The following IPCEF1 variants were observed in gnomAD, a reference collection of about 807,000 sequenced individuals.
The protein encoded by IPCEF1 is interaction protein for cytohesin exchange factors 1, also known as interactor protein for cytohesin exchange factors 1.
IPCEF1 carries 31 observed loss-of-function variants against 50.9 expected under a neutral mutation model. That is an observed-to-expected ratio of 0.61 (90% confidence interval 0.46 to 0.82). IPCEF1 has a LOEUF of 0.82. IPCEF1 is among the 40% of genes least tolerant of loss of function. IPCEF1 has a pLI of 0.00. For missense variants in IPCEF1, 458 were observed against 514.0 expected, an observed-to-expected ratio of 0.89 and a Z score of 1.05; for synonymous variants, 181 against 192.0, an observed-to-expected ratio of 0.94 and a Z score of 0.47.
At chr6:154,287,099 T>A (rs978448192) in intron 2 of IPCEF1, among the ~76,000 whole-genome samples, 4 of 151,790 alleles carry the variant, frequency 2.6e-5, no homozygotes, top group Admixed American at 1.3e-4. Flanking sequence ...TTCTTTTTTT[T>A]AAAATTAAAA....
chr6:154,279,426 A>G (rs954426241), intron 2 of IPCEF1, among the ~76,000 whole-genome samples: 2 of 152,222 alleles, frequency 1.3e-5, no homozygotes, highest in Non-Finnish European at 2.9e-5. Context: ...TTCCTTTGCC[A>G]TTCGTTATCT....
chr6:154,202,982 C>A (rs12529971), intron 9 of IPCEF1, among the ~76,000 whole-genome samples: 3 of 152,212 alleles, frequency 2.0e-5, no homozygotes, highest in Non-Finnish European at 4.4e-5. Flanking sequence ...AATACAAATA[C>A]AAATGAAAGT....
intron 1 of IPCEF1, among the ~76,000 whole-genome samples, chr6:154,322,045 A>C (rs571144663): frequency 6.6e-6 from 1 of 152,282 alleles, no homozygotes; most frequent in East Asian, 1.9e-4. Context: ...TTAACATTTG[A>C]AATTCAATCA....
At chr6:154,346,282 T>C (rs1386096724) in intron 1 of IPCEF1, among the ~76,000 whole-genome samples, 1 of 152,188 alleles carries the variant, frequency 6.6e-6, no homozygotes, top group Non-Finnish European at 1.5e-5. Flanking sequence ...TCCTTGCTTA[T>C]CTGTATCATT....
chr6:154,323,935 A>G (rs1366321705), intron 1 of IPCEF1, among the ~76,000 whole-genome samples: 1 of 152,224 alleles, frequency 6.6e-6, no homozygotes, highest in Non-Finnish European at 1.5e-5. Context: ...CCTGGATGAC[A>G]AAAGCAAAAC....
chr6:154,304,988 C>A (rs1349971115), intron 1 of IPCEF1, among the ~76,000 whole-genome samples: 1 of 152,100 alleles, frequency 6.6e-6, no homozygotes, highest in African/African-American at 2.4e-5. Flanking sequence ...GTGGCGCATG[C>A]CTGTAATCCC....
intron 5 of IPCEF1, among the ~76,000 whole-genome samples, chr6:154,231,270 G>T (rs1046458318): frequency 6.6e-6 from 1 of 152,192 alleles, no homozygotes; most frequent in Non-Finnish European, 1.5e-5. Context: ...AAAAGTTCTA[G>T]TTCTATGGAG....
chr6:154,211,177 G>A (rs547062540), intron 9 of IPCEF1, among the ~76,000 whole-genome samples: 2 of 152,220 alleles, frequency 1.3e-5, no homozygotes, highest in South Asian at 4.2e-4. Flanking sequence ...AGCACTTTGG[G>A]AGGCCGAGGC....
chr6:154,344,646 C>T (rs531174127), intron 1 of IPCEF1, among the ~76,000 whole-genome samples: 1 of 152,276 alleles, frequency 6.6e-6, no homozygotes, highest in Non-Finnish European at 1.5e-5. Flanking sequence ...ATACCAACTA[C>T]CATCACAGAT....
rs905644272 is a variant in IPCEF1, at chr6:154,168,615, T to C, written c.911-502A>G. On this transcript the variant is annotated intron_variant, in intron 10 of 11. Transcript: ENST00000367220. This position sits in a 1 kb window ranked among gnomAD's most constrained non-coding sequence, Gnocchi z 4.1. ...AATTAATTAATTAATTTTATTATTA[T>C]TTTTTTTGAGACGGAGTTTTACTGC... Among the ~76,000 whole-genome samples, 2 of 151,002 alleles carry C rather than the reference T, an allele frequency of 1.3e-5. No individual in the cohort carries two copies. The highest frequency in any genetic ancestry group is 2.5e-5 in the African/African-American group (1 of 40,764).
intron 10 of IPCEF1, among the ~76,000 whole-genome samples, chr6:154,193,873 A>G (rs1308688164): frequency 6.6e-6 from 1 of 152,238 alleles, no homozygotes; most frequent in African/African-American, 2.4e-5. Flanking sequence ...TACTCTATAC[A>G]GACAAAAAGT....
At chr6:154,239,410 T>G (rs1003542164) in intron 5 of IPCEF1, among the ~76,000 whole-genome samples, 6 of 152,346 alleles carry the variant, frequency 3.9e-5, no homozygotes, top group African/African-American at 1.4e-4. Context: ...AAAAATTCAT[T>G]TCCACACATG....
intron 2 of IPCEF1, among the ~76,000 whole-genome samples, chr6:154,282,493 T>C (rs551142528): frequency 1.5e-4 from 23 of 152,038 alleles, no homozygotes; most frequent in South Asian, 8.3e-4. Flanking sequence ...CCATCCTGGC[T>C]AACACGGTGA....
At chr6:154,178,167 G>A (rs186205111) in intron 10 of IPCEF1, among the ~76,000 whole-genome samples, 334 of 152,122 alleles carry the variant, frequency 2.2e-3, no homozygotes, top group African/African-American at 6.8e-3. Context: ...GAGGGATAGC[G>A]TTAGGAGAAA....
intron 3 of IPCEF1, among the ~76,000 whole-genome samples, chr6:154,260,034 T>C (rs112210085): frequency 6.6e-6 from 1 of 152,210 alleles, no homozygotes; most frequent in East Asian, 1.9e-4. Context: ...CGGTGAGACA[T>C]GCATGTTTCA....
intron 10 of IPCEF1, 51 bp downstream of exon 10, chr6:154,199,617 T>A (rs543049706): frequency 6.7e-7 from 1 of 1,494,430 alleles, no homozygotes; most frequent in East Asian, 2.3e-5. Flanking sequence ...CAGTTCCATA[T>A]ACAAACAAAT....
intron 2 of IPCEF1, among the ~76,000 whole-genome samples, chr6:154,288,694 A>C (rs754908633): frequency 3.3e-4 from 48 of 144,654 alleles, no homozygotes; most frequent in Non-Finnish European, 5.8e-4. Flanking sequence ...AAAAAAAAAA[A>C]AAAAAAAAAA....
At chr6:154,324,110 A>C (rs934821082) in intron 1 of IPCEF1, among the ~76,000 whole-genome samples, 1 of 152,234 alleles carries the variant, frequency 6.6e-6, no homozygotes, top group African/African-American at 2.4e-5. Flanking sequence ...AATTTTTTAA[A>C]ATAAATGCAT....
At chr6:154,205,921 A>G (rs967982647) in intron 9 of IPCEF1, among the ~76,000 whole-genome samples, 2 of 152,044 alleles carry the variant, frequency 1.3e-5, no homozygotes, top group African/African-American at 2.4e-5. Flanking sequence ...AAACTCACCC[A>G]GATCCCCTTT....
Sources: gnomAD v4.1 joint callset for allele counts (sites outside exome capture counted in the v4.1 genomes callset) on GRCh38, gnomAD v4.1.1 for gene constraint, Gnocchi (gnomAD v3.1) non-coding constraint, MANE v1.5 for transcripts, NCBI Gene and HGNC (gene_info 2026-07-23, HGNC 2026-07-21) for gene names.